Variants in RARRES1 observed in about 807,000 individuals in gnomAD.
The protein encoded by RARRES1 is retinoic acid receptor responder 1.
A neutral mutation model predicts 30.6 loss-of-function variants in RARRES1; 34 were observed. The observed-to-expected ratio is 1.11, with a 90% confidence interval of 0.84 to 1.48. The LOEUF (loss-of-function observed/expected upper bound fraction) is 1.48. Ranked by LOEUF, RARRES1 falls within the 40% of genes most tolerant of loss-of-function variation. The pLI is 0.00. For synonymous variants in RARRES1, 153 were observed against 155.5 expected, an observed-to-expected ratio of 0.98 and a Z score of 0.12; for missense variants, 373 against 386.5, an observed-to-expected ratio of 0.97 and a Z score of 0.29.
At position 158,710,911 on chromosome 3, in the gene RARRES1, C is replaced by T; in HGVS notation, c.362G>A (p.Gly121Glu). The T allele has an allele frequency of 6.2e-7, 1 of 1,613,926 alleles. No individual in the cohort carries two copies. Among genetic ancestry groups the T allele is most frequent in the Non-Finnish European group, 8.5e-7 (1 of 1,179,906 alleles). The change falls in exon 3 of 6, where the codon GGA becomes GAA. Residue 121 changes from glycine (G) to glutamate (E), a missense_variant. Transcript: ENST00000237696. The part of the protein sequence containing the change: ...NPESLLQEGE[G>E]RLGKCSARVF... ...TCGAGCAGAACATTTCCCCAAACGT[C>T]CCTCACCTTCCTGAAGTAAAGACTG...
intron 3 of RARRES1, among the ~76,000 whole-genome samples, chr3:158,706,328 G>T (rs1726921960): frequency 6.6e-6 from 1 of 152,166 alleles, no homozygotes; most frequent in Admixed American, 6.5e-5. Flanking sequence ...GGGCTGGAGA[G>T]GGTTAGGGGA....
intron 1 of RARRES1, among the ~76,000 whole-genome samples, chr3:158,716,586 CT>C (rs55963290): frequency 0.47 from 67,385 of 143,032 alleles, 15,277 homozygotes; most frequent in South Asian, 0.59. Flanking sequence ...AGGAAGCACT[CT>C]TTTTTTTTTT....
At position 158,710,953 on chromosome 3, in the gene RARRES1, A is replaced by G; in HGVS notation, c.340-20T>C. The G allele has an allele frequency of 1.3e-6, 2 of 1,599,756 alleles. No homozygotes were observed. Among genetic ancestry groups the G allele is most frequent in the Non-Finnish European group, 1.7e-6 (2 of 1,167,736 alleles). The stretch of plus-strand genomic sequence containing the variant: ...TAAAGACTGTGGAGTTAAACAGGAT[A>G]CTTTATCACCTCCCACTCACCCCAG... On this transcript the variant is annotated intron_variant, in intron 2 of 5. Transcript: ENST00000237696.
intron 1 of RARRES1, among the ~76,000 whole-genome samples, chr3:158,727,200 C>T (rs953304678): frequency 6.6e-6 from 1 of 152,220 alleles, no homozygotes; most frequent in Non-Finnish European, 1.5e-5. Flanking sequence ...ATGACCAGTG[C>T]AGACTGGAAG....
chr3:158,727,135 C>T (rs1559875869), intron 1 of RARRES1, among the ~76,000 whole-genome samples: 1 of 152,196 alleles, frequency 6.6e-6, no homozygotes, highest in Admixed American at 6.5e-5. Flanking sequence ...CCAATCAAAG[C>T]TCTTTTCTTT....
At chr3:158,700,514 G>A (rs977424209) in intron 4 of RARRES1, among the ~76,000 whole-genome samples, 4 of 151,950 alleles carry the variant, frequency 2.6e-5, no homozygotes, top group Non-Finnish European at 4.4e-5. Flanking sequence ...TAAAGTTATC[G>A]AAACATCCCC....
At chr3:158,707,973 T>C (rs73030863) in intron 3 of RARRES1, among the ~76,000 whole-genome samples, 2,255 of 152,332 alleles carry the variant, frequency 0.015, 43 homozygotes, top group African/African-American at 0.053. Flanking sequence ...TTTTTTCCTG[T>C]CATCATATGA....
In RARRES1 at chr3:158,732,245, C is replaced by T. The variant is rs554720933; in HGVS notation, c.171G>A (p.Arg57=). Reference sequence around the variant, plus strand: ...CCGCGCGCGCCGCCTGCTGCAGGAGCCTGCGCGGGACCCCAGCATCCTGAG... The same window carrying T: ...CCGCGCGCGCCGCCTGCTGCAGGAGTCTGCGCGGGACCCCAGCATCCTGAG... ...GQPQDAGVPR[R]LLQQAARAAL... is the part of the protein sequence containing the mutation. Residue 57 remains arginine (R), a synonymous_variant, in exon 1 of 6, where the codon AGG becomes AGA. Coordinates refer to ENST00000237696, the MANE Select transcript of RARRES1 (RefSeq NM_206963.2). 4.7e-5 allele frequency: 65 copies of T among 1,386,352 alleles called. No individual in the cohort carries two copies. The highest frequency in any genetic ancestry group is 5.8e-5 in the Non-Finnish European group (63 of 1,079,010). 85.9% of individuals were successfully genotyped at this position (1,386,352 alleles called of 1,614,324 possible).
rs1243336076 is a variant in RARRES1, at chr3:158,697,380, AT to A, written c.*297del. ...TTTTGCAGTTAAAAAAAAAATGCTGATTCTGGTGCAACATACACTGATTATC... is the reference window on the plus strand; with the variant it reads ...TTTTGCAGTTAAAAAAAAAATGCTGATCTGGTGCAACATACACTGATTATC... On this transcript the variant is annotated 3_prime_UTR_variant, in exon 6 of 6. Transcript: ENST00000237696. The A allele has an allele frequency of 4.3e-6, 1 of 234,496 alleles. No homozygotes were observed. Among genetic ancestry groups the A allele is most frequent in the Non-Finnish European group, 8.2e-6 (1 of 122,466 alleles). The allele number at this position is 234,496 out of a possible 1,614,324, so 14.5% of individuals were successfully genotyped here. A position where few individuals can be genotyped will look rare whatever the true frequency, so the allele number is the denominator to read the frequency against.
At chr3:158,709,892 G>A (rs920662609) in intron 3 of RARRES1, among the ~76,000 whole-genome samples, 6 of 152,222 alleles carry the variant, frequency 3.9e-5, no homozygotes, top group Non-Finnish European at 1.5e-5. Context: ...AGAGGGCAGG[G>A]CTCCTTTGTT....
rs764010913 is a variant in RARRES1, at chr3:158,704,885, TCC to T, written c.576_577del (p.Trp192Ter). On this transcript the variant is annotated stop_gained and frameshift_variant, in exon 4 of 6. Coordinates refer to ENST00000237696, the MANE Select transcript of RARRES1 (RefSeq NM_206963.2). LOFTEE classifies it high-confidence loss of function. ...GTAAGAGCTTCCAAGGAAAGCCAAA[TCC>T]CAGATGAGTCTCAGAGAGGGATCAA... The T allele has an allele frequency of 7.4e-6, 12 of 1,613,838 alleles. No individual in the cohort carries two copies. The Admixed American group carries it at 2.0e-4, about 27-fold the overall frequency.
chr3:158,711,078 G>C (rs1312126665), intron 2 of RARRES1, 145 bp from the exon 3 acceptor site: 1 of 670,574 alleles, frequency 1.5e-6, no homozygotes, highest in Non-Finnish European at 2.6e-6. Context: ...TGTGGGTTGT[G>C]CTCACAGCTG....
At chr3:158,720,301 C>G (rs1045353070) in intron 1 of RARRES1, among the ~76,000 whole-genome samples, 4 of 145,264 alleles carry the variant, frequency 2.8e-5, no homozygotes, top group African/African-American at 1.1e-4. Flanking sequence ...AGAGAGAGCG[C>G]TGGGATGCTC....
At position 158,724,002 on chromosome 3, in the gene RARRES1, G is replaced by A. The variant is rs918060418; in HGVS notation, c.276+8138C>T. Among the ~76,000 whole-genome samples, 6 of 152,310 alleles carry A rather than the reference G, an allele frequency of 3.9e-5. 1 individual carries two copies. In the East Asian group the frequency reaches 9.6e-4, roughly 24 times the overall value. ...ACCTTGCGCCCTGTAGAAGCTGACCGTCTCGTTTGGGATAGGCAAGCACAT... is the reference window on the plus strand; with the variant it reads ...ACCTTGCGCCCTGTAGAAGCTGACCATCTCGTTTGGGATAGGCAAGCACAT... On this transcript the variant is annotated intron_variant, in intron 1 of 5. Coordinates refer to ENST00000237696, the MANE Select transcript of RARRES1 (RefSeq NM_206963.2).
At chr3:158,714,048 T>C (rs546632492) in intron 1 of RARRES1, among the ~76,000 whole-genome samples, 189 bp from the exon 2 acceptor site, 1 of 152,212 alleles carries the variant, frequency 6.6e-6, no homozygotes, top group African/African-American at 2.4e-5. Flanking sequence ...GCTTGCTAGT[T>C]TGACACCTAC....
intron 3 of RARRES1, among the ~76,000 whole-genome samples, chr3:158,706,994 C>T (rs970735629): frequency 2.0e-5 from 3 of 151,966 alleles, no homozygotes; most frequent in African/African-American, 7.3e-5. Context: ...CATGGTGAAA[C>T]CCCATCTCTA....
intron 4 of RARRES1, among the ~76,000 whole-genome samples, chr3:158,701,305 G>A (rs1309354020): frequency 2.0e-5 from 3 of 151,896 alleles, no homozygotes; most frequent in Non-Finnish European, 4.4e-5. Flanking sequence ...CAGTTCTAAG[G>A]AAAGAGTTGT....
chr3:158,723,380 C>A lies in RARRES1; in HGVS notation c.276+8760G>T, dbSNP rs1727576103. Reference sequence around the variant, plus strand: ...CTTGGTTGGAGATAAGTAAACAACTCATTTGTGCATAGAAATTGCTGTGCT... The same window carrying A: ...CTTGGTTGGAGATAAGTAAACAACTAATTTGTGCATAGAAATTGCTGTGCT... On this transcript the variant is annotated intron_variant, in intron 1 of 5. Coordinates refer to ENST00000237696, the MANE Select transcript of RARRES1 (RefSeq NM_206963.2). The surrounding 1 kb of genome is among the most constrained non-coding windows in gnomAD (Gnocchi z 4.4). Among the ~76,000 whole-genome samples, 1 of 152,208 alleles carries A rather than the reference C, an allele frequency of 6.6e-6. No homozygotes were observed. Among genetic ancestry groups the A allele is most frequent in the Non-Finnish European group, 1.5e-5 (1 of 68,040 alleles).
chr3:158,722,086 CAAAAAA>C (rs571829700), intron 1 of RARRES1, among the ~76,000 whole-genome samples: 63 of 68,740 alleles, frequency 9.2e-4, no homozygotes, highest in Admixed American at 2.2e-3. Flanking sequence ...GAATGAAACT[CAAAAAA>C]AAAAAAAAAA....
Sources: allele counts gnomAD v4.1 joint callset (sites outside exome capture counted in the v4.1 genomes callset), GRCh38; gene constraint gnomAD v4.1.1; non-coding constraint Gnocchi (gnomAD v3.1); transcripts MANE v1.5; gene names NCBI Gene and HGNC (gene_info 2026-07-23, HGNC 2026-07-21).